The following SLC35D4 variants were observed in gnomAD, a reference collection of about 807,000 sequenced individuals.
SLC35D4 encodes solute carrier family 35 member D4.
chr18:23,292,344 T>C, the SLC35D4 span, among the ~76,000 whole-genome samples: 3 of 152,216 alleles, frequency 2.0e-5, no homozygotes, highest in Non-Finnish European at 4.4e-5. Context: ...CGCAGAGTGA[T>C]AGTTCAGGTG....
the SLC35D4 span, among the ~76,000 whole-genome samples, chr18:23,393,938 C>A: frequency 6.6e-6 from 1 of 152,160 alleles, no homozygotes; most frequent in Non-Finnish European, 1.5e-5. Context: ...GTATTTATCA[C>A]ATTTTATCTA....
the SLC35D4 span, among the ~76,000 whole-genome samples, chr18:23,384,487 T>C: frequency 2.0e-5 from 3 of 152,236 alleles, no homozygotes; most frequent in Non-Finnish European, 4.4e-5. Context: ...TGATAGTTGC[T>C]GTGTTCTTCG....
chr18:23,409,176 C>T, the SLC35D4 span, among the ~76,000 whole-genome samples: 1 of 152,018 alleles, frequency 6.6e-6, no homozygotes, highest in Admixed American at 6.6e-5. Flanking sequence ...TCTATCTATA[C>T]CATAAATTTT....
At chr18:23,427,762 AC>A in the SLC35D4 span, among the ~76,000 whole-genome samples, 5 of 152,204 alleles carry the variant, frequency 3.3e-5, no homozygotes, top group Admixed American at 2.6e-4. Context: ...AAGACTTGGA[AC>A]CAACCCAAAT....
At chr18:23,376,454 T>C in the SLC35D4 span, among the ~76,000 whole-genome samples, 1 of 152,204 alleles carries the variant, frequency 6.6e-6, no homozygotes, top group Admixed American at 6.5e-5. Flanking sequence ...CTCAGGACAC[T>C]TCTCTACCTC....
chr18:23,253,033 C>T, the SLC35D4 span: 26 of 1,613,590 alleles, frequency 1.6e-5, no homozygotes, highest in Non-Finnish European at 2.1e-5. Context: ...GAGAAGTTTC[C>T]TCACATTAAG....
chr18:23,243,828 C>T, the SLC35D4 span, among the ~76,000 whole-genome samples: 8 of 149,564 alleles, frequency 5.3e-5, no homozygotes, highest in South Asian at 2.1e-4. Flanking sequence ...GCCGAGATCA[C>T]GCCACTGTAC....
At chr18:23,330,636 G>A in the SLC35D4 span, among the ~76,000 whole-genome samples, 1 of 152,180 alleles carries the variant, frequency 6.6e-6, no homozygotes, top group Non-Finnish European at 1.5e-5. Flanking sequence ...TGGTTGGGCT[G>A]CAGGTGTCCC....
At chr18:23,309,641 A>G in the SLC35D4 span, 2 of 1,582,342 alleles carry the variant, frequency 1.3e-6, no homozygotes, top group Non-Finnish European at 1.7e-6. Context: ...GAAACTCAGT[A>G]ACTAATTGGC....
chr18:23,370,226 T>C, the SLC35D4 span: 3 of 1,606,466 alleles, frequency 1.9e-6, no homozygotes, highest in Non-Finnish European at 2.5e-6. Context: ...CTTAATGCAC[T>C]GGGTTTCTGG....
chr18:23,377,769 T>C, the SLC35D4 span: 16 of 1,114,402 alleles, frequency 1.4e-5, no homozygotes, highest in Non-Finnish European at 2.0e-5. Flanking sequence ...AAATTATGAG[T>C]AGATTTATCA....
chr18:23,405,212 G>A, the SLC35D4 span, among the ~76,000 whole-genome samples: 1 of 151,980 alleles, frequency 6.6e-6, no homozygotes, highest in African/African-American at 2.4e-5. Context: ...ATTTGAGATG[G>A]AGTCTCGCTC....
At chr18:23,431,522 G>T in the SLC35D4 span, among the ~76,000 whole-genome samples, 2 of 151,934 alleles carry the variant, frequency 1.3e-5, no homozygotes, top group Non-Finnish European at 2.9e-5. Flanking sequence ...TTCCTTTGTT[G>T]TCCTTCAATT....
the SLC35D4 span, among the ~76,000 whole-genome samples, chr18:23,370,480 C>G: frequency 1.3e-5 from 2 of 152,210 alleles, no homozygotes; most frequent in Non-Finnish European, 2.9e-5. Context: ...ATAACGCAGT[C>G]AGTCCTTCCA....
At chr18:23,282,582 C>A in the SLC35D4 span, among the ~76,000 whole-genome samples, 1 of 152,168 alleles carries the variant, frequency 6.6e-6, no homozygotes, top group Non-Finnish European at 1.5e-5. Flanking sequence ...GCAGCCAACG[C>A]CTGGGCCAAG....
the SLC35D4 span, among the ~76,000 whole-genome samples, chr18:23,378,245 C>T: frequency 1.3e-5 from 2 of 150,018 alleles, no homozygotes; most frequent in Non-Finnish European, 3.0e-5. Flanking sequence ...CACTATGTTG[C>T]TCAGTGGTAT....
chr18:23,299,012 G>A, the SLC35D4 span, among the ~76,000 whole-genome samples: 2 of 152,204 alleles, frequency 1.3e-5, no homozygotes, highest in Non-Finnish European at 1.5e-5. Context: ...TGTGAAAAAT[G>A]TTCCTTTGGT....
At chr18:23,421,502 C>G in the SLC35D4 span, 1 of 1,509,732 alleles carries the variant, frequency 6.6e-7, no homozygotes. Flanking sequence ...CCAACACCAT[C>G]CAGCCCCAGC....
At chr18:23,390,858 T>G in the SLC35D4 span, among the ~76,000 whole-genome samples, 1 of 152,172 alleles carries the variant, frequency 6.6e-6, no homozygotes, top group Non-Finnish European at 1.5e-5. Context: ...ATAACTGACC[T>G]CCAGGTCCTT....
Sources: gnomAD v4.1 joint callset for allele counts (sites outside exome capture counted in the v4.1 genomes callset) on GRCh38, gnomAD v4.1.1 for gene constraint, MANE v1.5 for transcripts, NCBI Gene and HGNC (gene_info 2026-07-23, HGNC 2026-07-21) for gene names.